Variants in CDYL observed in about 807,000 individuals in gnomAD.
CDYL encodes the protein chromodomain Y-like protein.
In CDYL, 8 loss-of-function variants were observed where a neutral mutation model predicts 47.3. The observed-to-expected ratio is 0.17, with a 90% CI of 0.10 to 0.31. The LOEUF is 0.31. Among genes scored for constraint, CDYL ranks in the 10% least tolerant of loss-of-function variants. The pLI is 1.00. For missense variants in CDYL, 471 were observed against 701.4 expected (o/e 0.67, Z 3.71); for synonymous variants, 266 against 265.0 (o/e 1.00, Z -0.04).
chr6:4,884,593 G>A (rs1761851819), intron 1 of CDYL, among the ~76,000 whole-genome samples: 1 of 152,204 alleles, frequency 6.6e-6, no homozygotes, highest in Admixed American at 6.5e-5. Context: ...ATTTGTGGTG[G>A]ACTGTCTTTT....
At chr6:4,842,123 C>T (rs1760515643) in intron 1 of CDYL, among the ~76,000 whole-genome samples, 2 of 135,400 alleles carry the variant, frequency 1.5e-5, no homozygotes, top group Admixed American at 1.5e-4. Context: ...TATATATAAA[C>T]TTGTTAATAT....
At chr6:4,753,942 T>C (rs1043546052) in intron 3 of CDYL, among the ~76,000 whole-genome samples, 4 of 152,202 alleles carry the variant, frequency 2.6e-5, no homozygotes, top group Admixed American at 6.5e-5. Flanking sequence ...ACCCCCTTTT[T>C]CCCTTTGGCA....
At position 4,945,006 on chromosome 6, in the gene CDYL, C is replaced by T. The variant is rs575085470; in HGVS notation, c.1332+1250C>T. Among the ~76,000 whole-genome samples, 17 of 152,210 alleles carry T rather than the reference C, an allele frequency of 1.1e-4. 1 individual carries two copies. The East Asian group carries it at 3.1e-3, about 28-fold the overall frequency. On this transcript the variant is annotated intron_variant, in intron 5 of 6. Transcript: ENST00000397588. ...GACTGGGGGGCAGTCTGCAGACACC[C>T]GCAGTGCTCCACCAAAGCGCCAAGG...
chr6:4,776,742 G>GCCCCC lies in CDYL; in HGVS notation c.-38_-37insCCCCC. The GCCCCC allele has an allele frequency of 1.4e-6, 1 of 719,058 alleles. No homozygotes were observed. Among genetic ancestry groups the GCCCCC allele is most frequent in the Non-Finnish European group, 2.0e-6 (1 of 507,008 alleles). 44.5% of individuals were successfully genotyped at this position (719,058 alleles called of 1,614,324 possible). A position where few individuals can be genotyped will look rare whatever the true frequency, so the allele number is the denominator to read the frequency against. On this transcript the variant is annotated 5_prime_UTR_variant, in exon 1 of 7. Transcript: ENST00000397588. ...TGTCGGCCGCCCGGCGCCGGCGCCC[G>GCCCCC]CCCCGACCCTGCCCCTCCCGCCCGC...
In CDYL at chr6:4,943,772, A is replaced by C; in HGVS notation, c.1332+16A>C. The C allele has an allele frequency of 8.2e-7, 1 of 1,222,330 alleles. No individual in the cohort carries two copies. The highest frequency in any genetic ancestry group is 1.1e-6 in the Non-Finnish European group (1 of 911,174). 75.7% of individuals were successfully genotyped at this position (1,222,330 alleles called of 1,614,324 possible). ...AGGAGCATCTGTGAGTACCTTTTTA[A>C]AAAAAAAAAAAAAAAGTCATTCTAG... On this transcript the variant is annotated intron_variant, in intron 5 of 6. Coordinates refer to ENST00000397588, the MANE Select transcript of CDYL (RefSeq NM_004824.4).
At chr6:4,840,142 A>G (rs1453728238) in intron 1 of CDYL, among the ~76,000 whole-genome samples, 2 of 150,414 alleles carry the variant, frequency 1.3e-5, no homozygotes, top group Non-Finnish European at 1.5e-5. Context: ...ACCTCCTTAG[A>G]TCCACTCCTA....
intron 2 of CDYL, among the ~76,000 whole-genome samples, chr6:4,897,790 G>GTTTTTTT (rs375666284): frequency 1.2e-3 from 171 of 140,258 alleles, no homozygotes; most frequent in African/African-American, 4.3e-3. Context: ...GAAGGTTTTT[G>GTTTTTTT]TTTTTTTTTT....
intron 2 of CDYL, among the ~76,000 whole-genome samples, chr6:4,730,482 CTGACCAACA>C (rs1757584002): frequency 6.6e-6 from 1 of 151,976 alleles, no homozygotes; most frequent in African/African-American, 2.4e-5. Context: ...CAAGACCAGC[CTGACCAACA>C]TGGTGAAACC....
chr6:4,798,561 G>A (rs1257530993), intron 1 of CDYL, among the ~76,000 whole-genome samples: 1 of 152,150 alleles, frequency 6.6e-6, no homozygotes, highest in African/African-American at 2.4e-5. Context: ...AGTATGAATT[G>A]ATCTGAAGAT....
chr6:4,911,761 C>T (rs1454874233), intron 2 of CDYL, among the ~76,000 whole-genome samples: 2 of 152,178 alleles, frequency 1.3e-5, no homozygotes, highest in South Asian at 4.1e-4. Context: ...GGTTACAGGA[C>T]ATCCACTTTC....
At chr6:4,797,468 T>G (rs1759106338) in intron 1 of CDYL, among the ~76,000 whole-genome samples, 1 of 151,926 alleles carries the variant, frequency 6.6e-6, no homozygotes, top group African/African-American at 2.4e-5. Context: ...CCGTAGAATT[T>G]CTCCTTTTAA....
chr6:4,852,739 A>G (rs1760888879), intron 1 of CDYL, among the ~76,000 whole-genome samples: 1 of 152,044 alleles, frequency 6.6e-6, no homozygotes, highest in African/African-American at 2.4e-5. Context: ...TGATTCAAAT[A>G]CATTATTTTT....
chr6:4,833,759 G>A lies in CDYL; in HGVS notation c.24+56952G>A, dbSNP rs866849131. 1.8e-3 allele frequency among the ~76,000 whole-genome samples: 276 copies of A among 151,972 alleles called. 1 individual carries two copies. Among genetic ancestry groups the A allele is most frequent in the African/African-American group, 6.5e-3 (270 of 41,274 alleles). Reference sequence around the variant, plus strand: ...TTGCTTTATGAATCTGGGTGCTCCTGTATTGGGTGCATATATATTTAGGAT... The same window carrying A: ...TTGCTTTATGAATCTGGGTGCTCCTATATTGGGTGCATATATATTTAGGAT... On this transcript the variant is annotated intron_variant, in intron 1 of 6. Coordinates refer to ENST00000397588, the MANE Select transcript of CDYL (RefSeq NM_004824.4).
chr6:4,774,076 G>A (rs950106968), upstream of CDYL, among the ~76,000 whole-genome samples: 5 of 152,242 alleles, frequency 3.3e-5, no homozygotes, highest in East Asian at 1.9e-4. Flanking sequence ...GTACCATTAC[G>A]CACATGGTGG....
intron 3 of CDYL, among the ~76,000 whole-genome samples, chr6:4,756,741 A>G (rs1463562974): frequency 6.6e-6 from 1 of 152,198 alleles, no homozygotes; most frequent in Admixed American, 6.5e-5. Flanking sequence ...TATAGTATTC[A>G]AAGAAAGCAA....
At position 4,838,305 on chromosome 6, in the gene CDYL, C is replaced by G. The variant is rs371773923; in HGVS notation, c.25-53408C>G. Among the ~76,000 whole-genome samples, 53 of 152,044 alleles carry G rather than the reference C, an allele frequency of 3.5e-4. No homozygotes were observed. In the East Asian group the frequency reaches 3.5e-3, roughly 10 times the overall value. On this transcript the variant is annotated intron_variant, in intron 1 of 6. Coordinates refer to ENST00000397588, the MANE Select transcript of CDYL (RefSeq NM_004824.4). ...ATGTGTCGTCTTTTATCCCTCACCC[C>G]CCTCCCACCCTTTCCCCCAAGCCTC...
intron 1 of CDYL, among the ~76,000 whole-genome samples, chr6:4,890,987 T>C (rs1762026336): frequency 6.6e-6 from 1 of 152,232 alleles, no homozygotes; most frequent in South Asian, 2.1e-4. Context: ...GTTAAGGTAG[T>C]AGAATTTGTC....
At position 4,776,823 on chromosome 6, in the gene CDYL, C is replaced by T. The variant is rs766683850; in HGVS notation, c.24+16C>T. 1 of 1,021,408 alleles carries T rather than the reference C, an allele frequency of 9.8e-7. No homozygotes were observed. 63.3% of individuals were successfully genotyped at this position (1,021,408 alleles called of 1,614,324 possible). The stretch of plus-strand genomic sequence containing the variant: ...GCTGTACGAGGTACCTCCCCTCCCC[C>T]CGGCCTCGGGCCGCCCCCCGCCCGC... On this transcript the variant is annotated intron_variant, in intron 1 of 6. Transcript: ENST00000397588.
chr6:4,785,440 G>C (rs1461629714), intron 1 of CDYL, among the ~76,000 whole-genome samples: 1 of 152,160 alleles, frequency 6.6e-6, no homozygotes, highest in Non-Finnish European at 1.5e-5. Flanking sequence ...TAGCTTCCTA[G>C]TGTTTGTTGT....
Sources: allele counts gnomAD v4.1 joint callset (sites outside exome capture counted in the v4.1 genomes callset), GRCh38; gene constraint gnomAD v4.1.1; transcripts MANE v1.5; gene names NCBI Gene and HGNC (gene_info 2026-07-23, HGNC 2026-07-21).